The following ARHGAP31 variants were observed in gnomAD, a reference collection of about 807,000 sequenced individuals.
The protein encoded by ARHGAP31 is rho GTPase-activating protein 31.
A neutral mutation model predicts 113.9 loss-of-function variants in ARHGAP31; 34 were observed. The observed-to-expected ratio is 0.30, with a 90% CI of 0.23 to 0.40. ARHGAP31 has a LOEUF of 0.40. Ranked by LOEUF, ARHGAP31 falls within the 10% of genes least tolerant of loss-of-function variation. The probability of loss-of-function intolerance (pLI) is 1.00; values close to 1 mark genes in which losing one functional copy is unlikely to be tolerated. For synonymous variants in ARHGAP31, 650 were observed against 684.8 expected (o/e 0.95, Z 0.79); for missense variants, 1,548 against 1,767.1 (o/e 0.88, Z 2.22).
chr3:119,401,810 C>A lies in ARHGAP31; in HGVS notation c.1070-12C>A, dbSNP rs2080610594. 1 of 1,613,222 alleles carries A rather than the reference C, an allele frequency of 6.2e-7. No individual in the cohort carries two copies. The highest frequency in any genetic ancestry group is 1.3e-5 in the African/African-American group (1 of 74,890). ...CCCGGCTGCTGACCATACACTTGTT[C>A]CTTTTTACTAGGAAAAGAAACCAAG... is the stretch of plus-strand genomic sequence containing the variant. On this transcript the variant is annotated splice_polypyrimidine_tract_variant and intron_variant, in intron 9 of 11. Transcript: ENST00000264245.
Position 119,382,373 on chromosome 3 carries a change from C to G in ARHGAP31, c.513C>G (p.Ala171=), listed in dbSNP as rs2080408665. ...CCAACATGCACGCCCGGAACCTGGC[C>G]CTGGTGTGGGCGCCAAACCTCCTCA... ...SKTNMHARNL[A]LVWAPNLLRS... is the part of the protein sequence containing the mutation. The change falls in exon 5 of 12, where the codon GCC becomes GCG. Residue 171 remains alanine, a synonymous_variant. Transcript: ENST00000264245. The G allele has an allele frequency of 6.2e-7, 1 of 1,614,112 alleles. No homozygotes were observed. Among genetic ancestry groups the G allele is most frequent in the East Asian group, 2.2e-5 (1 of 44,868 alleles).
chr3:119,309,989 CAAAAT>C (rs1438326545), intron 1 of ARHGAP31, among the ~76,000 whole-genome samples: 2 of 143,694 alleles, frequency 1.4e-5, no homozygotes, highest in African/African-American at 2.6e-5. Context: ...AAAAAGAAAA[CAAAAT>C]AAAATAGAAT....
At position 119,417,440 on chromosome 3, in the gene ARHGAP31, T is replaced by A. The variant is rs114261128; in HGVS notation, c.*1176T>A. ...GGGTCCCTTCCTTTCTCCTTTCCTC[T>A]CTACTGCTCAAGAACAGATTTGAGG... On this transcript the variant is annotated 3_prime_UTR_variant, in exon 12 of 12. Transcript: ENST00000264245. The A allele has an allele frequency of 1.3e-5, 2 of 152,042 alleles. No individual in the cohort carries two copies. The highest frequency in any genetic ancestry group is 2.4e-5 in the African/African-American group (1 of 41,386). The allele number at this position is 152,042 out of a possible 1,614,324, so 9.4% of individuals were successfully genotyped here. A position where few individuals can be genotyped will look rare whatever the true frequency, so the allele number is the denominator to read the frequency against.
intron 1 of ARHGAP31, among the ~76,000 whole-genome samples, chr3:119,351,792 C>T (rs551605992): frequency 5.1e-4 from 78 of 152,288 alleles, no homozygotes; most frequent in Non-Finnish European, 9.6e-4. Flanking sequence ...CACATGCGGC[C>T]GTTCTCTGTA....
chr3:119,323,203 A>G (rs1313981311), intron 1 of ARHGAP31, among the ~76,000 whole-genome samples: 2 of 151,980 alleles, frequency 1.3e-5, no homozygotes, highest in African/African-American at 4.8e-5. Context: ...GCTTCCCGGA[A>G]CGCCCTCGGG....
Position 119,326,080 on chromosome 3 carries a change from T to TACTC in ARHGAP31, c.100+31078_100+31081dup, listed in dbSNP as rs1304922473. On this transcript the variant is annotated intron_variant, in intron 1 of 11. Transcript: ENST00000264245. ...GGTGGTGGGCGCCTGTAATCCCAGC[T>TACTC]ACTCAGGAGGCTGAGGCAGGAGAAT... Among the ~76,000 whole-genome samples the TACTC allele has an allele frequency of 2.6e-5, 4 of 152,166 alleles. 2 individuals carry two copies. The South Asian group carries it at 8.3e-4, about 32-fold the overall frequency.
At chr3:119,355,098 C>T (rs2080144096) in intron 1 of ARHGAP31, among the ~76,000 whole-genome samples, 1 of 152,074 alleles carries the variant, frequency 6.6e-6, no homozygotes, top group Admixed American at 6.5e-5. Context: ...TAGCTTGGGG[C>T]TTTTTCTATT....
At position 119,402,075 on chromosome 3, in the gene ARHGAP31, G is replaced by A. The variant is rs1234391770; in HGVS notation, c.1323G>A (p.Pro441=). ...QLKVFRPVED[P]ESEQTAPKML... ...AGGTTTTCCGGCCTGTTGAGGATCC[G>A]GAGAGCGAGCAAACAGCCCCAAAGA... Residue 441 remains proline, a synonymous_variant, in exon 10 of 12, where the codon CCG becomes CCA. Transcript: ENST00000264245. 1 of 1,614,202 alleles carries A rather than the reference G, an allele frequency of 6.2e-7. No homozygotes were observed. Among genetic ancestry groups the A allele is most frequent in the Non-Finnish European group, 8.5e-7 (1 of 1,180,030 alleles).
chr3:119,380,884 C>T lies in ARHGAP31; in HGVS notation c.349-20C>T. ...CTGCTCTCAAGCACTCACCAGGCTG[C>T]CTTGTGTTCTTCTCCACAGGAGGCA... On this transcript the variant is annotated intron_variant, in intron 3 of 11. Transcript: ENST00000264245. The T allele has an allele frequency of 6.2e-7, 1 of 1,612,502 alleles. No individual in the cohort carries two copies. The highest frequency in any genetic ancestry group is 8.5e-7 in the Non-Finnish European group (1 of 1,178,636).
chr3:119,402,185 G>A lies in ARHGAP31; in HGVS notation c.1433G>A (p.Arg478His), dbSNP rs376265481. Reference protein sequence around the residue: ...SSLFQMEPSPRNQRKALNISE... With the variant: ...SSLFQMEPSPHNQRKALNISE... ...CTCTTCCAGATGGAGCCCTCGCCGCGTAACCAGCGCAAGGCGCTGAACATC... is the reference window on the plus strand; with the variant it reads ...CTCTTCCAGATGGAGCCCTCGCCGCATAACCAGCGCAAGGCGCTGAACATC... Residue 478 changes from arginine to histidine, a missense_variant, in exon 10 of 12, where the codon CGT becomes CAT. Transcript: ENST00000264245. 9 of 1,614,158 alleles carry A rather than the reference G, an allele frequency of 5.6e-6. No individual in the cohort carries two copies. The African/African-American group carries it at 9.3e-5, about 17-fold the overall frequency.
chr3:119,326,363 C>T (rs1387429196), intron 1 of ARHGAP31, among the ~76,000 whole-genome samples: 3 of 151,800 alleles, frequency 2.0e-5, no homozygotes, highest in African/African-American at 7.3e-5. Flanking sequence ...ATGTGTCGTG[C>T]TACTGTACAG....
At chr3:119,330,934 C>T (rs1372422403) in intron 1 of ARHGAP31, among the ~76,000 whole-genome samples, 1 of 152,230 alleles carries the variant, frequency 6.6e-6, no homozygotes, top group Non-Finnish European at 1.5e-5. Context: ...CAAACTCTTG[C>T]TTCACCAGGT....
intron 1 of ARHGAP31, among the ~76,000 whole-genome samples, chr3:119,316,999 T>C (rs2079737945): frequency 6.6e-6 from 1 of 152,100 alleles, no homozygotes; most frequent in South Asian, 2.1e-4. Context: ...CAATCAGGTT[T>C]ACTCCAGAAG....
chr3:119,407,284 T>C (rs765200642), intron 10 of ARHGAP31, among the ~76,000 whole-genome samples: 2 of 145,796 alleles, frequency 1.4e-5, no homozygotes, highest in East Asian at 2.0e-4. Context: ...GAGGCAGAGA[T>C]TGCAGCAAGC....
In ARHGAP31 at chr3:119,382,410, T is replaced by G. The variant is rs374706861; in HGVS notation, c.539+11T>G. On this transcript the variant is annotated intron_variant, in intron 5 of 11. Coordinates refer to ENST00000264245, the MANE Select transcript of ARHGAP31 (RefSeq NM_020754.4). ...GCCAAACCTCCTCAGGTAACCACTC[T>G]ACCCTCCCCTTGTCACCAGCCCAGG... is the stretch of plus-strand genomic sequence containing the variant. The G allele has an allele frequency of 1.9e-6, 3 of 1,610,988 alleles. No individual in the cohort carries two copies. The highest frequency in any genetic ancestry group is 3.3e-5 in the Admixed American group (2 of 59,996).
intron 1 of ARHGAP31, among the ~76,000 whole-genome samples, chr3:119,321,572 A>T (rs1235021677): frequency 1.3e-5 from 2 of 150,026 alleles, no homozygotes; most frequent in African/African-American, 2.4e-5. Context: ...TATATATATG[A>T]TTTTGTGTCT....
chr3:119,402,236 C>A lies in ARHGAP31; in HGVS notation c.1484C>A (p.Pro495Gln). The change falls in exon 10 of 12, where the codon CCG becomes CAG. Residue 495 changes from proline (P) to glutamine (Q), a missense_variant. Coordinates refer to ENST00000264245, the MANE Select transcript of ARHGAP31 (RefSeq NM_020754.4). ...NISEPFAVSV[P>Q]LRVSAVISTN... ...TCCGAGCCCTTTGCGGTATCTGTGC[C>A]GCTCCGCGTGTCCGCAGTCATCAGC... The A allele has an allele frequency of 6.2e-7, 1 of 1,614,260 alleles. No homozygotes were observed. Among genetic ancestry groups the A allele is most frequent in the Non-Finnish European group, 8.5e-7 (1 of 1,180,046 alleles).
intron 1 of ARHGAP31, among the ~76,000 whole-genome samples, chr3:119,307,024 A>T (rs2079636644): frequency 6.9e-6 from 1 of 145,720 alleles, no homozygotes; most frequent in Admixed American, 6.9e-5. Flanking sequence ...TTTTTAGAAA[A>T]AAAAAACTAA....
intron 3 of ARHGAP31, among the ~76,000 whole-genome samples, chr3:119,379,489 C>T (rs1377570671): frequency 1.3e-5 from 2 of 152,220 alleles, no homozygotes; most frequent in East Asian, 3.8e-4. Flanking sequence ...ATGCAACATG[C>T]ACACGGCAGC....
Sources: allele counts gnomAD v4.1 joint callset (sites outside exome capture counted in the v4.1 genomes callset), GRCh38; gene constraint gnomAD v4.1.1; transcripts MANE v1.5; gene names NCBI Gene and HGNC (gene_info 2026-07-23, HGNC 2026-07-21).